The following SPACA1 variants were observed in gnomAD, a reference collection of about 807,000 sequenced individuals.
The protein encoded by SPACA1 is sperm acrosome associated 1.
SPACA1 carries 17 observed loss-of-function variants against 32.6 expected under a neutral mutation model. The ratio of observed to expected loss-of-function variants is 0.52; its 90% confidence interval spans 0.36 to 0.78. The LOEUF (loss-of-function observed/expected upper bound fraction) is 0.78. SPACA1 is among the 30% of genes least tolerant of loss of function. SPACA1 has a pLI of 0.01. For synonymous variants in SPACA1, 140 were observed against 138.1 expected (o/e 1.01, Z -0.10); for missense variants, 363 against 373.4 (o/e 0.97, Z 0.23).
intron 2 of SPACA1, among the ~76,000 whole-genome samples, chr6:88,055,859 T>C (rs1775799366): frequency 6.6e-6 from 1 of 152,056 alleles, no homozygotes; most frequent in Non-Finnish European, 1.5e-5. Flanking sequence ...TAGTCCCAGC[T>C]ACTTGGGAGG....
rs765785735 is a variant in SPACA1, at chr6:88,057,676, A to T, written c.330A>T (p.Val110=). The T allele has an allele frequency of 5.6e-6, 9 of 1,613,968 alleles. No homozygotes were observed. The highest frequency in any genetic ancestry group is 7.6e-6 in the Non-Finnish European group (9 of 1,179,966). Residue 110 remains valine, a synonymous_variant, in exon 3 of 7, where the codon GTA becomes GTT. Coordinates refer to ENST00000237201, the MANE Select transcript of SPACA1 (RefSeq NM_030960.3). The part of the protein sequence containing the change: ...GCPGGESKCV[V]RVEECRGPTD... Reference sequence around the variant, plus strand: ...CTGGTGGTGAATCCAAGTGTGTTGTACGGGTAGAAGAATGCCGTGGACCAA... The same window carrying T: ...CTGGTGGTGAATCCAAGTGTGTTGTTCGGGTAGAAGAATGCCGTGGACCAA...
chr6:88,053,875 CAAGT>C (rs1046711132), intron 1 of SPACA1, 67 bp from the exon 2 acceptor site: 2 of 1,298,832 alleles, frequency 1.5e-6, no homozygotes, highest in Non-Finnish European at 2.2e-6. Context: ...CTTTCATCTC[CAAGT>C]AAGAGGTGTT....
intron 3 of SPACA1, among the ~76,000 whole-genome samples, chr6:88,058,379 G>A (rs118044798): frequency 5.4e-4 from 82 of 152,310 alleles, no homozygotes; most frequent in East Asian, 4.8e-3. Flanking sequence ...TGTGACACCT[G>A]TAATCTTAGC....
intron 2 of SPACA1, among the ~76,000 whole-genome samples, chr6:88,056,169 C>T (rs1775803885): frequency 1.3e-5 from 2 of 152,078 alleles, no homozygotes; most frequent in Non-Finnish European, 2.9e-5. Flanking sequence ...GCCTGACCAC[C>T]ATGGTGAAAC....
In SPACA1 at chr6:88,066,704, C is replaced by G. The variant is rs964510464; in HGVS notation, c.*369C>G. 1 of 153,988 alleles carries G rather than the reference C, an allele frequency of 6.5e-6. No individual in the cohort carries two copies. Among genetic ancestry groups the G allele is most frequent in the Non-Finnish European group, 1.4e-5 (1 of 69,300 alleles). The allele number at this position is 153,988 out of a possible 1,614,324, so 9.5% of individuals were successfully genotyped here. A position where few individuals can be genotyped will look rare whatever the true frequency, so the allele number is the denominator to read the frequency against. On this transcript the variant is annotated 3_prime_UTR_variant, in exon 7 of 7. Coordinates refer to ENST00000237201, the MANE Select transcript of SPACA1 (RefSeq NM_030960.3). Reference sequence around the variant, plus strand: ...GCTTTACATATTAGACTTTCTCTCCCCTGGAAGCACTGGGTTGAACTTGCT... The same window carrying G: ...GCTTTACATATTAGACTTTCTCTCCGCTGGAAGCACTGGGTTGAACTTGCT...
chr6:88,063,743 G>A (rs534990164), intron 5 of SPACA1, among the ~76,000 whole-genome samples: 13 of 152,032 alleles, frequency 8.6e-5, no homozygotes, highest in Non-Finnish European at 1.5e-4. Flanking sequence ...TCCAGTTAAC[G>A]ATATGCTTGC....
intron 2 of SPACA1, among the ~76,000 whole-genome samples, chr6:88,056,757 A>T (rs1433005080): frequency 2.6e-5 from 4 of 152,196 alleles, no homozygotes; most frequent in Admixed American, 2.6e-4. Context: ...CTGTCTTAAC[A>T]TGGGACACGG....
intron 5 of SPACA1, among the ~76,000 whole-genome samples, chr6:88,061,441 C>T (rs1354443136): frequency 1.3e-5 from 2 of 151,196 alleles, no homozygotes; most frequent in Non-Finnish European, 1.5e-5. Flanking sequence ...CGCACACACA[C>T]ACACACACAC....
intron 3 of SPACA1, among the ~76,000 whole-genome samples, chr6:88,058,423 G>A (rs1464278586): frequency 6.6e-6 from 1 of 152,168 alleles, no homozygotes; most frequent in Non-Finnish European, 1.5e-5. Flanking sequence ...GATCACTTGA[G>A]CTCAGGAGTT....
chr6:88,065,490 A>G (rs1305858449), intron 6 of SPACA1, among the ~76,000 whole-genome samples: 1 of 148,248 alleles, frequency 6.7e-6, no homozygotes, highest in Non-Finnish European at 1.5e-5. Context: ...ATTTGCATAT[A>G]TATTATATAT....
intron 2 of SPACA1, among the ~76,000 whole-genome samples, chr6:88,056,820 T>G (rs1194582478): frequency 6.6e-6 from 1 of 152,216 alleles, no homozygotes; most frequent in Non-Finnish European, 1.5e-5. Context: ...TGTGGTGATG[T>G]GAGGCCAACT....
At chr6:88,065,466 AATAT>A (rs900106733) in intron 6 of SPACA1, among the ~76,000 whole-genome samples, 2 of 148,122 alleles carry the variant, frequency 1.4e-5, no homozygotes, top group African/African-American at 4.9e-5. Flanking sequence ...GTACACATAT[AATAT>A]ATATACTATA....
At chr6:88,055,711 C>T (rs1299621028) in intron 2 of SPACA1, among the ~76,000 whole-genome samples, 3 of 152,240 alleles carry the variant, frequency 2.0e-5, no homozygotes, top group East Asian at 3.8e-4. Context: ...TGGCTCACGC[C>T]TGTAATCCCA....
chr6:88,057,458 G>T (rs943346685), intron 2 of SPACA1, among the ~76,000 whole-genome samples, 154 bp from the exon 3 acceptor site: 1 of 152,092 alleles, frequency 6.6e-6, no homozygotes, highest in Non-Finnish European at 1.5e-5. Context: ...AAAATGAAGA[G>T]CCAAAAAAAT....
chr6:88,053,767 CTCTTT>C (rs1486045650), intron 1 of SPACA1, among the ~76,000 whole-genome samples, 174 bp from the exon 2 acceptor site: 1 of 152,106 alleles, frequency 6.6e-6, no homozygotes, highest in Admixed American at 6.5e-5. Context: ...AGGTTTGAGA[CTCTTT>C]TGAGTTAGAC....
chr6:88,057,566 A>G lies in SPACA1; in HGVS notation c.266-46A>G, dbSNP rs779671948. ...GGTGGGAAAGTGAAGACACTCTGGA[A>G]TCAGTTTTTTTCTTAACATTTGCCT... On this transcript the variant is annotated intron_variant, in intron 2 of 6. Coordinates refer to ENST00000237201, the MANE Select transcript of SPACA1 (RefSeq NM_030960.3). 34 of 1,325,994 alleles carry G rather than the reference A, an allele frequency of 2.6e-5. No individual in the cohort carries two copies. In the Middle Eastern group the frequency reaches 1.3e-3, roughly 49 times the overall value. 82.1% of individuals were successfully genotyped at this position (1,325,994 alleles called of 1,614,324 possible).
chr6:88,061,164 T>G (rs1192167050), intron 5 of SPACA1, among the ~76,000 whole-genome samples: 1 of 152,232 alleles, frequency 6.6e-6, no homozygotes, highest in Admixed American at 6.5e-5. Context: ...GTAATTGAGA[T>G]ATTTTTAGGG....
intron 5 of SPACA1, 69 bp from the exon 6 acceptor site, chr6:88,064,030 C>G: frequency 1.3e-6 from 2 of 1,505,884 alleles, no homozygotes; most frequent in Non-Finnish European, 1.8e-6. Flanking sequence ...CAAATATAAA[C>G]TTTTAAGTTA....
rs771298190 is a variant in SPACA1, at chr6:88,064,121, C to A, written c.633C>A (p.Ser211Arg). The A allele has an allele frequency of 2.5e-6, 4 of 1,613,306 alleles. 1 individual carries two copies. In the South Asian group the frequency reaches 4.4e-5, roughly 18 times the overall value. Residue 211 changes from serine (S) to arginine (R), a missense_variant, in exon 6 of 7, where the codon AGC becomes AGA. Physicochemically the swap from Ser to Arg is moderately radical, Grantham distance 110 (BLOSUM62 -1). Coordinates refer to ENST00000237201, the MANE Select transcript of SPACA1 (RefSeq NM_030960.3). Reference protein sequence around the residue: ...TSSELQMRRSSLPATDAALIF... With the variant: ...TSSELQMRRSRLPATDAALIF... ...TAGAATTGCAGATGAGAAGATCAAG[C>A]CTACCAGCCACTGATGCAGCCCTAA...
Sources: gnomAD v4.1 joint callset for allele counts (sites outside exome capture counted in the v4.1 genomes callset) on GRCh38, gnomAD v4.1.1 for gene constraint, MANE v1.5 for transcripts, NCBI Gene and HGNC (gene_info 2026-07-23, HGNC 2026-07-21) for gene names.